The following ROCK2 variants were observed in gnomAD, a reference collection of about 807,000 sequenced individuals.
ROCK2 encodes Rho associated coiled-coil containing protein kinase 2.
In ROCK2, 61 loss-of-function variants were observed where a neutral mutation model predicts 195.1. That is an observed-to-expected ratio of 0.31 (90% CI 0.25 to 0.39). The LOEUF (loss-of-function observed/expected upper bound fraction) is 0.39, where lower values mean the gene tolerates loss of function less well. Ranked by LOEUF, ROCK2 falls within the 10% of genes least tolerant of loss-of-function variation. The pLI is 1.00. For synonymous variants in ROCK2, 504 were observed against 545.5 expected (o/e 0.92, Z 1.06); for missense variants, 1,109 against 1,637.4 (o/e 0.68, Z 5.57).
chr2:11,224,332 A>G lies in ROCK2; in HGVS notation c.997T>C (p.Leu333=), dbSNP rs907909948. 3 of 1,611,972 alleles carry G rather than the reference A, an allele frequency of 1.9e-6. No homozygotes were observed. The African/African-American group carries it at 4.0e-5, about 22-fold the overall frequency. The change falls in exon 7 of 33, where the codon TTA becomes CTA. Residue 333 remains leucine (L), a synonymous_variant. Transcript: ENST00000315872. The stretch of plus-strand genomic sequence containing the variant: ...TTCAATGTACATTACCTATCTGTTA[A>G]GAAAGCACAGATGAGATTCTTTGCA... The part of the protein sequence containing the change: ...KHAKNLICAF[L]TDREVRLGRN...
At chr2:11,230,282 T>C (rs1232326428) in intron 5 of ROCK2, among the ~76,000 whole-genome samples, 3 of 152,038 alleles carry the variant, frequency 2.0e-5, no homozygotes, top group Non-Finnish European at 4.4e-5. Flanking sequence ...TTGAACATTG[T>C]ATAGTGTCAA....
At chr2:11,223,753 G>C (rs1156896037) in intron 7 of ROCK2, among the ~76,000 whole-genome samples, 1 of 152,072 alleles carries the variant, frequency 6.6e-6, no homozygotes, top group East Asian at 1.9e-4. Flanking sequence ...AAATGGAATG[G>C]GGTGAACAAA....
intron 3 of ROCK2, among the ~76,000 whole-genome samples, chr2:11,271,392 T>C (rs923010852): frequency 6.6e-6 from 1 of 152,136 alleles, no homozygotes; most frequent in Non-Finnish European, 1.5e-5. Flanking sequence ...CCCCAGCAAT[T>C]TGTCAGTTAC....
intron 4 of ROCK2, among the ~76,000 whole-genome samples, chr2:11,240,537 C>T (rs946936638): frequency 2.0e-5 from 3 of 152,162 alleles, no homozygotes; most frequent in South Asian, 4.1e-4. Flanking sequence ...TTGTATGATT[C>T]CATTTATAAG....
intron 5 of ROCK2, among the ~76,000 whole-genome samples, chr2:11,232,347 T>C (rs1665047309): frequency 6.6e-6 from 1 of 152,170 alleles, no homozygotes; most frequent in African/African-American, 2.4e-5. Context: ...CAGGCTGGTC[T>C]CGAACTCCTG....
intron 1 of ROCK2, 116 bp downstream of exon 1, chr2:11,343,880 G>C: frequency 1.5e-6 from 2 of 1,308,314 alleles, no homozygotes; most frequent in South Asian, 3.2e-5. Context: ...CGGAAGCAGG[G>C]CGGGGTGGGG....
rs575058814 is a variant in ROCK2 at position 11,216,360 on chromosome 2, G to A, written c.1413-154C>T. ...GTTGCCCAGACTGGAATGCAGTGGC[G>A]CAATCTTGGCTCACTACAATGCCTG... On this transcript the variant is annotated intron_variant, in intron 12 of 32. Coordinates refer to ENST00000315872, the MANE Select transcript of ROCK2 (RefSeq NM_004850.5). Among the ~76,000 whole-genome samples the A allele has an allele frequency of 2.3e-4, 35 of 152,128 alleles. No homozygotes were observed. In the Middle Eastern group the frequency reaches 0.01, roughly 44 times the overall value.
intron 20 of ROCK2, among the ~76,000 whole-genome samples, chr2:11,202,333 A>G (rs946962955): frequency 2.0e-5 from 3 of 152,016 alleles, no homozygotes; most frequent in Non-Finnish European, 4.4e-5. Flanking sequence ...CTGAGGCCAC[A>G]TGACTTGTAA....
At position 11,197,313 on chromosome 2, in the gene ROCK2, C is replaced by A. The variant is rs1179140024; in HGVS notation, c.3315G>T (p.Leu1105=). ...TGTCTTTACTGTCCAATGTCATCTGCAGTTCAATTCGAATCTGGCTCTCTT... is the reference window on the plus strand; with the variant it reads ...TGTCTTTACTGTCCAATGTCATCTGAAGTTCAATTCGAATCTGGCTCTCTT... The part of the protein sequence containing the change: ...IAEESQIRIE[L]QMTLDSKDSD... The change falls in exon 27 of 33, where the codon CTG becomes CTT. Residue 1105 remains leucine (L), a synonymous_variant. Coordinates refer to ENST00000315872, the MANE Select transcript of ROCK2 (RefSeq NM_004850.5). This position sits in a 1 kb window ranked among gnomAD's most constrained non-coding sequence, Gnocchi z 4.9. 1 of 1,613,440 alleles carries A rather than the reference C, an allele frequency of 6.2e-7. No individual in the cohort carries two copies. Among genetic ancestry groups the A allele is most frequent in the Non-Finnish European group, 8.5e-7 (1 of 1,179,860 alleles).
intron 1 of ROCK2, among the ~76,000 whole-genome samples, chr2:11,330,315 CCA>C (rs1249693005): frequency 1.2e-4 from 18 of 152,046 alleles, no homozygotes; most frequent in Admixed American, 1.2e-3. Context: ...CTCTAGAGCC[CCA>C]CGTTATTGAA....
At chr2:11,226,604 T>C (rs752683369) in intron 6 of ROCK2, among the ~76,000 whole-genome samples, 40 of 152,098 alleles carry the variant, frequency 2.6e-4, no homozygotes, top group African/African-American at 9.7e-5. Context: ...TTATAACAAA[T>C]ATGATTGATC....
intron 3 of ROCK2, among the ~76,000 whole-genome samples, chr2:11,273,517 C>T (rs1210742401): frequency 2.0e-5 from 3 of 151,976 alleles, no homozygotes; most frequent in Non-Finnish European, 4.4e-5. Context: ...AAAAACAGAA[C>T]TGAGGGAGAA....
At chr2:11,184,888 G>T in intron 32 of ROCK2, 1 of 410,372 alleles carries the variant, frequency 2.4e-6, no homozygotes, top group Non-Finnish European at 3.3e-6. Flanking sequence ...TCCCTTCATG[G>T]ATAACAACAA....
intron 1 of ROCK2, among the ~76,000 whole-genome samples, chr2:11,318,846 T>C (rs1015442823): frequency 1.3e-5 from 2 of 152,182 alleles, no homozygotes; most frequent in Non-Finnish European, 2.9e-5. Flanking sequence ...CCCAGCACCA[T>C]TTGTTGAATA....
intron 3 of ROCK2, among the ~76,000 whole-genome samples, chr2:11,255,216 C>CAAAACAA (rs1665984954): frequency 9.2e-6 from 1 of 109,216 alleles, no homozygotes; most frequent in African/African-American, 4.3e-5. Context: ...GACCCCATCT[C>CAAAACAA]AAAAAAAAAA....
chr2:11,247,826 C>G (rs1262710375), intron 4 of ROCK2, among the ~76,000 whole-genome samples: 1 of 152,076 alleles, frequency 6.6e-6, no homozygotes, highest in Non-Finnish European at 1.5e-5. Flanking sequence ...TCGAGACCAG[C>G]CTGGCCAACA....
intron 23 of ROCK2, among the ~76,000 whole-genome samples, chr2:11,199,631 G>A (rs1663780679): frequency 6.6e-6 from 1 of 151,986 alleles, no homozygotes; most frequent in Non-Finnish European, 1.5e-5. Flanking sequence ...ATGCCAGGCT[G>A]CGATTTTCTA....
intron 3 of ROCK2, among the ~76,000 whole-genome samples, chr2:11,283,084 TG>T (rs1667062855): frequency 7.3e-6 from 1 of 136,132 alleles, no homozygotes; most frequent in Non-Finnish European, 1.6e-5. Flanking sequence ...CTGGCCAACA[TG>T]GTGAAACCCC....
At chr2:11,312,270 TTTA>T (rs1407833096) in intron 1 of ROCK2, among the ~76,000 whole-genome samples, 63 of 152,276 alleles carry the variant, frequency 4.1e-4, no homozygotes, top group African/African-American at 1.4e-3. Context: ...AAAAAGGAGC[TTTA>T]TTAAGGTAAA....
Sources: gnomAD v4.1 joint callset for allele counts (sites outside exome capture counted in the v4.1 genomes callset) on GRCh38, gnomAD v4.1.1 for gene constraint, Gnocchi (gnomAD v3.1) non-coding constraint, MANE v1.5 for transcripts, NCBI Gene and HGNC (gene_info 2026-07-23, HGNC 2026-07-21) for gene names.